GALNT17: variants seen among roughly 807,000 people sequenced by gnomAD.
GALNT17 encodes UDP-GalNAc:polypeptide N-acetylgalactosaminyltransferase-like 3.
GALNT17 carries 29 observed loss-of-function variants against 63.7 expected under a neutral mutation model. The ratio of observed to expected loss-of-function variants is 0.46; its 90% CI spans 0.34 to 0.62. The LOEUF (loss-of-function observed/expected upper bound fraction) is 0.62, where lower values mean the gene tolerates loss of function less well. Ranked by LOEUF, GALNT17 falls within the 20% of genes least tolerant of loss-of-function variation. The pLI is 0.01. For synonymous variants in GALNT17, 305 were observed against 318.3 expected, an observed-to-expected ratio of 0.96 and a Z score of 0.45; for missense variants, 603 against 799.6, an observed-to-expected ratio of 0.75 and a Z score of 2.97.
chr7:71,508,036 C>A (rs1788295301), intron 5 of GALNT17, among the ~76,000 whole-genome samples: 1 of 152,146 alleles, frequency 6.6e-6, no homozygotes, highest in African/African-American at 2.4e-5. Flanking sequence ...AGAAATTAAG[C>A]CCCCTCATTC....
chr7:71,343,640 C>G (rs1792042736), intron 2 of GALNT17, among the ~76,000 whole-genome samples: 1 of 152,142 alleles, frequency 6.6e-6, no homozygotes, highest in South Asian at 2.1e-4. Flanking sequence ...TATTATCCCT[C>G]AGAATACTTA....
intron 2 of GALNT17, among the ~76,000 whole-genome samples, chr7:71,386,257 A>G (rs1175446730): frequency 6.6e-6 from 1 of 152,224 alleles, no homozygotes; most frequent in African/African-American, 2.4e-5. Flanking sequence ...CTACATGATT[A>G]ATATGGCCTG....
At chr7:71,228,725 C>T (rs764229770) in intron 1 of GALNT17, among the ~76,000 whole-genome samples, 5 of 152,206 alleles carry the variant, frequency 3.3e-5, no homozygotes, top group Non-Finnish European at 5.9e-5. Flanking sequence ...TGAACTTCCC[C>T]TGCCTCCTTA....
intron 2 of GALNT17, among the ~76,000 whole-genome samples, chr7:71,378,479 AT>A (rs1792785466): frequency 6.6e-6 from 1 of 152,154 alleles, no homozygotes; most frequent in African/African-American, 2.4e-5. Flanking sequence ...TTGAGCCCTG[AT>A]TAGTAAATCA....
At chr7:71,384,972 G>A (rs556277672) in intron 2 of GALNT17, among the ~76,000 whole-genome samples, 1 of 152,284 alleles carries the variant, frequency 6.6e-6, no homozygotes, top group East Asian at 1.9e-4. Flanking sequence ...GCATTGCATT[G>A]ACAACTGCCT....
In GALNT17 at chr7:71,642,233, T is replaced by C. The variant is rs191723824; in HGVS notation, c.1081-23178T>C. On this transcript the variant is annotated intron_variant, in intron 6 of 10. Transcript: ENST00000333538. ...ACAGCAGGCCAGAAAGCTATTGTCC[T>C]AGCCTATGGAAACACCTAAAACACA... 2.9e-3 allele frequency among the ~76,000 whole-genome samples: 444 copies of C among 152,288 alleles called. 2 individuals are homozygous for C. The highest frequency in any genetic ancestry group is 4.9e-3 in the Non-Finnish European group (336 of 68,028).
At chr7:71,347,046 G>T (rs1792108953) in intron 2 of GALNT17, among the ~76,000 whole-genome samples, 1 of 152,116 alleles carries the variant, frequency 6.6e-6, no homozygotes, top group Non-Finnish European at 1.5e-5. Context: ...GCTAACGCAG[G>T]TCTTCACGCA....
intron 4 of GALNT17, among the ~76,000 whole-genome samples, chr7:71,416,732 G>A (rs190687340): frequency 1.3e-5 from 2 of 152,262 alleles, no homozygotes; most frequent in East Asian, 3.9e-4. Context: ...TGCTCTGTTT[G>A]CAGGGAAGGA....
rs78810302 is a variant in GALNT17 at position 71,471,320 on chromosome 7, C to T, written c.962+50215C>T. The stretch of plus-strand genomic sequence containing the variant: ...TCCGAACTGCTGGACTCAGGGGATC[C>T]GCCTACTTCAGCCTCCCAAAGTGCT... On this transcript the variant is annotated intron_variant, in intron 5 of 10. Coordinates refer to ENST00000333538, the MANE Select transcript of GALNT17 (RefSeq NM_022479.3). Among the ~76,000 whole-genome samples the T allele has an allele frequency of 9.1e-3, 1,366 of 150,780 alleles. 59 individuals carry two copies. Among genetic ancestry groups the T allele is most frequent in the East Asian group, 0.061 (311 of 5,070 alleles).
chr7:71,232,604 G>A (rs1182079958), intron 1 of GALNT17, among the ~76,000 whole-genome samples: 1 of 152,164 alleles, frequency 6.6e-6, no homozygotes, highest in Non-Finnish European at 1.5e-5. Context: ...TCAAGAGTGA[G>A]CCAGTAGTAG....
chr7:71,260,702 C>T (rs1042674496), intron 1 of GALNT17, among the ~76,000 whole-genome samples: 1 of 151,896 alleles, frequency 6.6e-6, no homozygotes, highest in African/African-American at 2.4e-5. Flanking sequence ...TCAAGTGACC[C>T]TCCTGCGTCA....
intron 8 of GALNT17, among the ~76,000 whole-genome samples, chr7:71,671,076 T>C (rs1791063187): frequency 6.8e-6 from 1 of 147,310 alleles, no homozygotes; most frequent in African/African-American, 2.6e-5. Flanking sequence ...TGGCCGCACA[T>C]GGTTCCACTT....
At chr7:71,625,913 G>T (rs1015948560) in intron 6 of GALNT17, among the ~76,000 whole-genome samples, 2 of 152,062 alleles carry the variant, frequency 1.3e-5, no homozygotes, top group Non-Finnish European at 2.9e-5. Context: ...AGGTCATTGG[G>T]GTGGACTCTG....
intron 1 of GALNT17, among the ~76,000 whole-genome samples, chr7:71,169,203 A>G (rs1418264867): frequency 6.6e-6 from 1 of 152,140 alleles, no homozygotes; most frequent in Non-Finnish European, 1.5e-5. Flanking sequence ...TGCAAAAGTA[A>G]TTACGATTTT....
intron 2 of GALNT17, among the ~76,000 whole-genome samples, chr7:71,374,008 T>C (rs979598137): frequency 6.6e-6 from 1 of 152,226 alleles, no homozygotes; most frequent in Non-Finnish European, 1.5e-5. Flanking sequence ...AAATCATTTC[T>C]CAAGTGCTAA....
intron 1 of GALNT17, among the ~76,000 whole-genome samples, chr7:71,209,683 T>A (rs1470902735): frequency 1.3e-5 from 2 of 151,390 alleles, no homozygotes; most frequent in East Asian, 3.9e-4. Context: ...TTTTGTAGAG[T>A]CAGCGTTTTG....
chr7:71,294,969 T>G (rs1017763097), intron 1 of GALNT17, among the ~76,000 whole-genome samples: 3 of 152,202 alleles, frequency 2.0e-5, no homozygotes, highest in Non-Finnish European at 4.4e-5. Context: ...CTTTTATCAA[T>G]ATATAATGTC....
intron 5 of GALNT17, among the ~76,000 whole-genome samples, chr7:71,533,881 A>G (rs974988931): frequency 3.9e-5 from 6 of 152,152 alleles, no homozygotes; most frequent in Non-Finnish European, 7.3e-5. Flanking sequence ...AGAGGGGTAC[A>G]GGAAGAGGAG....
chr7:71,556,709 G>A (rs1478062264), intron 5 of GALNT17, among the ~76,000 whole-genome samples: 1 of 150,574 alleles, frequency 6.6e-6, no homozygotes, highest in East Asian at 2.0e-4. Flanking sequence ...ACAAGCTCGA[G>A]CCACCACACC....
Sources: gnomAD v4.1 joint callset for allele counts (sites outside exome capture counted in the v4.1 genomes callset) on GRCh38, gnomAD v4.1.1 for gene constraint, MANE v1.5 for transcripts, NCBI Gene and HGNC (gene_info 2026-07-23, HGNC 2026-07-21) for gene names.